Variants in MTSS1 observed in about 807,000 individuals in gnomAD.
MTSS1 encodes the protein protein MTSS 1.
In MTSS1, 18 loss-of-function variants were observed where a neutral mutation model predicts 79.0. The ratio of observed to expected loss-of-function variants is 0.23; its 90% CI spans 0.16 to 0.34. MTSS1 has a LOEUF of 0.34. MTSS1 is among the 10% of genes least tolerant of loss of function. MTSS1 has a pLI of 1.00. For missense variants in MTSS1, 815 were observed against 986.2 expected, an observed-to-expected ratio of 0.83 and a Z score of 2.33; for synonymous variants, 341 against 368.6, an observed-to-expected ratio of 0.93 and a Z score of 0.86.
chr8:124,706,445 C>G (rs570412006), intron 1 of MTSS1, among the ~76,000 whole-genome samples: 120 of 152,370 alleles, frequency 7.9e-4, no homozygotes, highest in Middle Eastern at 3.4e-3. Context: ...AATTTACAAT[C>G]CACCCGAACT....
chr8:124,694,969 A>G (rs1587848433), intron 3 of MTSS1, among the ~76,000 whole-genome samples: 1 of 152,216 alleles, frequency 6.6e-6, no homozygotes, highest in East Asian at 1.9e-4. Flanking sequence ...TAGTTTAATT[A>G]TTAACCCAAA....
intron 3 of MTSS1, among the ~76,000 whole-genome samples, chr8:124,638,345 G>GT (rs1365330913): frequency 6.6e-6 from 1 of 152,222 alleles, no homozygotes; most frequent in Non-Finnish European, 1.5e-5. Context: ...GTACACATCA[G>GT]TGTTTGTGAT....
chr8:124,714,233 A>G (rs1037598202), intron 1 of MTSS1, among the ~76,000 whole-genome samples: 1 of 152,180 alleles, frequency 6.6e-6, no homozygotes, highest in African/African-American at 2.4e-5. Flanking sequence ...ACCGCCTCAC[A>G]TGTATGCTGT....
rs545843642 is a variant in MTSS1 at position 124,597,254 on chromosome 8, C to T, written c.209-6019G>A. On this transcript the variant is annotated intron_variant, in intron 3 of 13. Transcript: ENST00000518547. The surrounding 1 kb of genome is among the most constrained non-coding windows in gnomAD (Gnocchi z 4.6). ...ATGTTACAAATGAAAACACCTGAGG[C>T]TCAGGAGGGTTAACAACCTTGCTGA... Among the ~76,000 whole-genome samples, 6 of 152,132 alleles carry T rather than the reference C, an allele frequency of 3.9e-5. No individual in the cohort carries two copies. The highest frequency in any genetic ancestry group is 6.5e-5 in the Admixed American group (1 of 15,274).
intron 3 of MTSS1, among the ~76,000 whole-genome samples, chr8:124,643,025 C>T (rs943072135): frequency 4.1e-4 from 62 of 152,292 alleles, no homozygotes; most frequent in African/African-American, 1.5e-3. Context: ...GTTCTCAATC[C>T]ATGGTAGCTG....
At chr8:124,620,336 C>G (rs1199661813) in intron 3 of MTSS1, among the ~76,000 whole-genome samples, 2 of 152,154 alleles carry the variant, frequency 1.3e-5, no homozygotes, top group African/African-American at 2.4e-5. Context: ...GGGCTTCATA[C>G]CCAAACTTGG....
rs571487415 is a variant in MTSS1 at position 124,656,796 on chromosome 8, A to AG, written c.208+42729_208+42730insC. ...GACTCCATCTCAAAAAAAAAAAAAA[A>AG]AAAGAAAAAAGAAAAAAAGGAAAAA... On this transcript the variant is annotated intron_variant, in intron 3 of 13. Coordinates refer to ENST00000518547, the MANE Select transcript of MTSS1 (RefSeq NM_014751.6). 1.4e-4 allele frequency among the ~76,000 whole-genome samples: 21 copies of AG among 151,088 alleles called. No homozygotes were observed. The South Asian group carries it at 2.3e-3, about 17-fold the overall frequency.
At chr8:124,568,632 C>T in intron 6 of MTSS1, 96 bp from the exon 7 acceptor site, 1 of 1,563,764 alleles carries the variant, frequency 6.4e-7, no homozygotes, top group South Asian at 1.1e-5. Context: ...GTCAAAACCA[C>T]AATTTTCCAG....
At chr8:124,559,022 G>C (rs1276961509) in intron 10 of MTSS1, among the ~76,000 whole-genome samples, 1 of 152,192 alleles carries the variant, frequency 6.6e-6, no homozygotes, top group East Asian at 1.9e-4. Flanking sequence ...TTCCCCCAAA[G>C]TTGCATCCAT....
In MTSS1 at chr8:124,553,610, T is replaced by C. The variant is rs1421778571; in HGVS notation, c.1650A>G (p.Arg550=). ...GGTAGGACTGGCTGATGTCGCTGTT[T>C]CTTGGAATGGTGGAGGACTTGTCGA... The part of the protein sequence containing the change: ...QEFDKSSTIP[R]NSDISQSYRR... Residue 550 remains arginine (R), a synonymous_variant, in exon 14 of 14, where the codon AGA becomes AGG. Coordinates refer to ENST00000518547, the MANE Select transcript of MTSS1 (RefSeq NM_014751.6). This position sits in a 1 kb window ranked among gnomAD's most constrained non-coding sequence, Gnocchi z 6.0. The C allele has an allele frequency of 2.5e-6, 4 of 1,614,090 alleles. No homozygotes were observed. Among genetic ancestry groups the C allele is most frequent in the Non-Finnish European group, 3.4e-6 (4 of 1,180,040 alleles).
intron 3 of MTSS1, among the ~76,000 whole-genome samples, chr8:124,628,400 C>G (rs1050269794): frequency 1.6e-4 from 25 of 152,098 alleles, no homozygotes; most frequent in African/African-American, 5.6e-4. Flanking sequence ...ATGCTAAATC[C>G]AGTGATATGA....
In MTSS1 at chr8:124,562,952, C is replaced by T. The variant is rs368825818; in HGVS notation, c.865G>A (p.Gly289Ser). 75 of 1,612,458 alleles carry T rather than the reference C, an allele frequency of 4.7e-5. No individual in the cohort carries two copies. The African/African-American group carries it at 7.0e-4, about 15-fold the overall frequency. Residue 289 changes from glycine to serine, a missense_variant, in exon 10 of 14, where the codon GGC becomes AGC. Gly to Ser is a moderately conservative substitution (Grantham distance 56, BLOSUM62 0). This residue lies in a region of MTSS1 where 225 missense variants were observed against 365.4 expected (regional missense o/e 0.62). Coordinates refer to ENST00000518547, the MANE Select transcript of MTSS1 (RefSeq NM_014751.6). ...GAGCTGGGGGAATGCGAGTGGGAGC[C>T]GCTGGACCGGGAGTCACTGCTGTTG... ...SVNSSDSRSS[G>S]SHSHSPSSHY...
At chr8:124,635,848 A>G (rs1280730022) in intron 3 of MTSS1, among the ~76,000 whole-genome samples, 2 of 152,046 alleles carry the variant, frequency 1.3e-5, no homozygotes, top group Admixed American at 6.6e-5. Flanking sequence ...CCTTCCATCT[A>G]GTTGCTAAAC....
In MTSS1 at chr8:124,727,944, C is replaced by T; in HGVS notation, c.12G>A (p.Val4=). The T allele has an allele frequency of 6.2e-7, 1 of 1,610,140 alleles. No homozygotes were observed. The highest frequency in any genetic ancestry group is 8.5e-7 in the Non-Finnish European group (1 of 1,178,508). Residue 4 remains valine (V), a synonymous_variant, in exon 1 of 14, where the codon GTG becomes GTA. Coordinates refer to ENST00000518547, the MANE Select transcript of MTSS1 (RefSeq NM_014751.6). The surrounding 1 kb of genome is among the most constrained non-coding windows in gnomAD (Gnocchi z 4.7). ...CGAGCGCGCTGCATTCCTTCTCAAT[C>T]ACAGCCTCCATTTTCCCGGCTCCGG... The part of the protein sequence containing the change: MEA[V]IEKECSALGG...
intron 3 of MTSS1, among the ~76,000 whole-genome samples, chr8:124,679,751 A>G (rs949712502): frequency 6.6e-6 from 1 of 152,240 alleles, no homozygotes; most frequent in African/African-American, 2.4e-5. Flanking sequence ...ATGCCAACAC[A>G]AGACTTATAG....
At chr8:124,616,051 AC>A (rs1319849696) in intron 3 of MTSS1, among the ~76,000 whole-genome samples, 2 of 152,196 alleles carry the variant, frequency 1.3e-5, no homozygotes, top group East Asian at 1.9e-4. Flanking sequence ...ACAGATCCAC[AC>A]GGCTCTGGGC....
Position 124,552,858 on chromosome 8 carries a change from C to G in MTSS1, c.*134G>C. The G allele has an allele frequency of 1.3e-6, 1 of 798,866 alleles. No homozygotes were observed. The highest frequency in any genetic ancestry group is 2.0e-6 in the Non-Finnish European group (1 of 511,412). The allele number at this position is 798,866 out of a possible 1,614,324, so 49.5% of individuals were successfully genotyped here. On this transcript the variant is annotated 3_prime_UTR_variant, in exon 14 of 14. Coordinates refer to ENST00000518547, the MANE Select transcript of MTSS1 (RefSeq NM_014751.6). ...GGTTTTAATTCTTATCTAAAGGTGT[C>G]GAGTACTTTCAAAAGAGCTATATTC...
intron 3 of MTSS1, among the ~76,000 whole-genome samples, chr8:124,618,699 C>G (rs1264396273): frequency 6.6e-6 from 1 of 152,210 alleles, no homozygotes; most frequent in Non-Finnish European, 1.5e-5. Context: ...ACTCTGGTAG[C>G]TGGCAGCTCT....
chr8:124,681,689 G>T (rs1260666292), intron 3 of MTSS1, among the ~76,000 whole-genome samples: 1 of 152,214 alleles, frequency 6.6e-6, no homozygotes, highest in Non-Finnish European at 1.5e-5. Context: ...TCAGGAGGCT[G>T]AGGCAGGAGA....
Sources: allele counts gnomAD v4.1 joint callset (sites outside exome capture counted in the v4.1 genomes callset), GRCh38; gene constraint gnomAD v4.1.1; regional missense constraint gnomAD v4.1.1; non-coding constraint Gnocchi (gnomAD v3.1); transcripts MANE v1.5; gene names NCBI Gene and HGNC (gene_info 2026-07-23, HGNC 2026-07-21).